The following PRKX variants were observed in gnomAD, a reference collection of about 807,000 sequenced individuals.
PRKX encodes cAMP-dependent protein kinase catalytic subunit PRKX.
A neutral mutation model predicts 22.0 loss-of-function variants in PRKX; 12 were observed. That is an observed-to-expected ratio of 0.54 (90% CI 0.35 to 0.88). The LOEUF (loss-of-function observed/expected upper bound fraction) is 0.88. PRKX is among the 40% of genes least tolerant of loss of function. The pLI is 0.01. For synonymous variants in PRKX, 134 were observed against 137.7 expected, an observed-to-expected ratio of 0.97 and a Z score of 0.19; for missense variants, 217 against 308.0, an observed-to-expected ratio of 0.70 and a Z score of 2.21.
intron 1 of PRKX, among the ~76,000 whole-genome samples, chrX:3,699,267 G>A (rs921933770): frequency 9.3e-6 from 1 of 108,014 alleles, no homozygotes; most frequent in Non-Finnish European, 1.9e-5. Context: ...AAACTCCTAA[G>A]CTCAGGCAAT....
intron 3 of PRKX, among the ~76,000 whole-genome samples, chrX:3,650,170 T>C (rs1475329348): frequency 9.3e-6 from 1 of 107,810 alleles, no homozygotes; most frequent in Non-Finnish European, 1.9e-5. Context: ...AAGAAAGAAA[T>C]TCATGTAGTG....
intron 1 of PRKX, among the ~76,000 whole-genome samples, chrX:3,688,600 T>C (rs6641852): frequency 5.3e-4 from 47 of 88,332 alleles, no homozygotes; most frequent in East Asian, 2.9e-3. Context: ...CAGTGGCTCA[T>C]GCCTGTAATC....
intron 1 of PRKX, among the ~76,000 whole-genome samples, chrX:3,707,557 T>C (rs3996393): frequency 0.54 from 59,019 of 109,884 alleles, 13,744 homozygotes; most frequent in African/African-American, 0.9. Context: ...GGGGTTCAAG[T>C]CTAGCCTGGG....
intron 1 of PRKX, among the ~76,000 whole-genome samples, chrX:3,692,559 G>C (rs1214983890): frequency 1.0e-5 from 1 of 96,879 alleles, no homozygotes; most frequent in Non-Finnish European, 2.0e-5. Flanking sequence ...ACGGAGTCTC[G>C]CTCTGTCACC....
intron 4 of PRKX, among the ~76,000 whole-genome samples, chrX:3,640,969 C>A (rs1194987915): frequency 9.0e-6 from 1 of 111,382 alleles, no homozygotes; most frequent in Non-Finnish European, 1.9e-5. Flanking sequence ...CAGGATGTTA[C>A]CCTGTATGCT....
intron 7 of PRKX, 50 bp from the exon 8 acceptor site, chrX:3,612,375 A>G (rs1603472830): frequency 8.6e-7 from 1 of 1,161,048 alleles, no homozygotes; most frequent in East Asian, 3.0e-5. Context: ...GGGACGGGAC[A>G]CTTGGATGCT....
rs900299778 is a variant in PRKX, at chrX:3,605,832, C to A, written c.*3137G>T. The A allele has an allele frequency of 8.9e-5, 10 of 112,054 alleles. No individual in the cohort carries two copies. The highest frequency in any genetic ancestry group is 2.6e-4 in the African/African-American group (8 of 30,804). 9.2% of individuals were successfully genotyped at this position (112,054 alleles called of 1,213,427 possible). ...TGAAGCGCGCAATCTTACCCCACTG[C>A]TGGGGGGTTTCTGCTTCTTATTCTA... is the stretch of plus-strand genomic sequence containing the variant. On this transcript the variant is annotated 3_prime_UTR_variant, in exon 9 of 9. Coordinates refer to ENST00000262848, the MANE Select transcript of PRKX (RefSeq NM_005044.5).
intron 6 of PRKX, among the ~76,000 whole-genome samples, chrX:3,617,837 C>T (rs1442927539): frequency 7.3e-5 from 8 of 110,290 alleles, no homozygotes; most frequent in African/African-American, 2.0e-4. Flanking sequence ...CCTCCTGTTA[C>T]GCTGCCAGGC....
At chrX:3,662,165 C>A (rs1927608402) in intron 2 of PRKX, among the ~76,000 whole-genome samples, 1 of 111,044 alleles carries the variant, frequency 9.0e-6, no homozygotes. Flanking sequence ...GGAAGGATGG[C>A]TGGAGGGGGT....
At chrX:3,687,195 T>C (rs1414430574) in intron 1 of PRKX, among the ~76,000 whole-genome samples, 7 of 110,002 alleles carry the variant, frequency 6.4e-5, no homozygotes, top group African/African-American at 2.3e-4. Flanking sequence ...AATTTTGTTT[T>C]TGAGATCTCA....
chrX:3,630,316 T>C (rs1319360440), intron 4 of PRKX, among the ~76,000 whole-genome samples: 1 of 104,795 alleles, frequency 9.5e-6, no homozygotes, highest in Non-Finnish European at 2.0e-5. Context: ...TCCCAACACT[T>C]TGGGAGGCCA....
intron 1 of PRKX, among the ~76,000 whole-genome samples, chrX:3,705,565 G>A (rs1322412744): frequency 1.8e-5 from 2 of 111,858 alleles, no homozygotes; most frequent in African/African-American, 3.3e-5. Context: ...GGGCTTACCA[G>A]GAAGCTTCTA....
chrX:3,607,008 A>G lies in PRKX; in HGVS notation c.*1961T>C, dbSNP rs771519659. On this transcript the variant is annotated 3_prime_UTR_variant, in exon 9 of 9. Transcript: ENST00000262848. The stretch of plus-strand genomic sequence containing the variant: ...AATTAAGGCATTTCAGGCTTTCCTG[A>G]TGCTAATTCTCATCTGAGTATGAAA... 1.8e-5 allele frequency: 2 copies of G among 112,343 alleles called. No individual in the cohort carries two copies. Among genetic ancestry groups the G allele is most frequent in the South Asian group, 7.4e-4 (2 of 2,718 alleles). The allele number at this position is 112,343 out of a possible 1,213,427, so 9.3% of individuals were successfully genotyped here. A position where few individuals can be genotyped will look rare whatever the true frequency, so the allele number is the denominator to read the frequency against.
rs747784711 is a variant in PRKX, at chrX:3,623,395, A to C, written c.816-2079T>G. Among the ~76,000 whole-genome samples, 5 of 110,035 alleles carry C rather than the reference A, an allele frequency of 4.5e-5. No individual in the cohort carries two copies. The East Asian group carries it at 1.4e-3, about 31-fold the overall frequency. On this transcript the variant is annotated intron_variant, in intron 5 of 8. Transcript: ENST00000262848. ...CATAGTAAGACCCTCGTTTCTACAA[A>C]ATATCAAAACATTGGCCAGGCATGG...
chrX:3,615,063 G>C (rs1363025778), intron 7 of PRKX, among the ~76,000 whole-genome samples: 1 of 84,884 alleles, frequency 1.2e-5, no homozygotes, highest in African/African-American at 4.8e-5. Flanking sequence ...CTGTCGCCCA[G>C]GCTGGAGTGC....
At chrX:3,657,526 C>A (rs753587213) in intron 2 of PRKX, among the ~76,000 whole-genome samples, 1 of 112,246 alleles carries the variant, frequency 8.9e-6, no homozygotes, top group East Asian at 2.8e-4. Context: ...GTTGTTTAAT[C>A]CACACCGTCT....
In PRKX at chrX:3,641,878, G is replaced by A. The variant is rs1374142668; in HGVS notation, c.693C>T (p.Gly231=). 6 of 503,169 alleles carry A rather than the reference G, an allele frequency of 1.2e-5. No homozygotes were observed. Among genetic ancestry groups the A allele is most frequent in the East Asian group, 7.5e-5 (2 of 26,687 alleles). 41.5% of individuals were successfully genotyped at this position (503,169 alleles called of 1,213,427 possible). Residue 231 remains glycine, a synonymous_variant, in exon 4 of 9, where the codon GGC becomes GGT. Coordinates refer to ENST00000262848, the MANE Select transcript of PRKX (RefSeq NM_005044.5). ...CCGAAAGCATCTCGAATATCAGGAT[G>A]CCGAGGGCCCACCAGTCCACGGCCC... The part of the protein sequence containing the change: ...HGRAVDWWAL[G]ILIFEMLSGF...
At chrX:3,689,049 C>G (rs1226565878) in intron 1 of PRKX, among the ~76,000 whole-genome samples, 1 of 112,098 alleles carries the variant, frequency 8.9e-6, no homozygotes, top group African/African-American at 3.2e-5. Context: ...ATAACTTTCT[C>G]ACCTTTTAAA....
chrX:3,652,355 T>G (rs1387295786), intron 3 of PRKX, among the ~76,000 whole-genome samples: 1 of 108,390 alleles, frequency 9.2e-6, no homozygotes, highest in African/African-American at 3.4e-5. Flanking sequence ...GAGGCAGAGC[T>G]TGCAGTGAGC....
Sources: allele counts gnomAD v4.1 joint callset (sites outside exome capture counted in the v4.1 genomes callset), GRCh38; gene constraint gnomAD v4.1.1; transcripts MANE v1.5; gene names NCBI Gene and HGNC (gene_info 2026-07-23, HGNC 2026-07-21).